Variants in AFAP1L2 observed in about 807,000 individuals in gnomAD.
AFAP1L2 encodes the protein actin filament-associated protein 1-like 2.
A neutral mutation model predicts 99.3 loss-of-function variants in AFAP1L2; 46 were observed. That is an observed-to-expected ratio of 0.46 (90% CI 0.37 to 0.59). The LOEUF (loss-of-function observed/expected upper bound fraction) is 0.59. Among genes scored for constraint, AFAP1L2 ranks in the 20% least tolerant of loss-of-function variants. The pLI, the probability that AFAP1L2 is intolerant of heterozygous loss-of-function variation, is 0.00. For synonymous variants in AFAP1L2, 397 were observed against 419.1 expected (o/e 0.95, Z 0.64); for missense variants, 959 against 1,034.9 (o/e 0.93, Z 1.01).
intron 10 of AFAP1L2, 68 bp downstream of exon 10, chr10:114,307,737 G>C: frequency 2.2e-6 from 3 of 1,372,292 alleles, no homozygotes; most frequent in Non-Finnish European, 3.1e-6. Flanking sequence ...CGCTGTCTGA[G>C]CTCGCCTTCC....
At chr10:114,397,045 C>T (rs1050123456) in intron 1 of AFAP1L2, among the ~76,000 whole-genome samples, 6 of 152,054 alleles carry the variant, frequency 3.9e-5, no homozygotes, top group African/African-American at 9.7e-5. Context: ...TGACCTTGAA[C>T]CTTCATCTTA....
intron 1 of AFAP1L2, among the ~76,000 whole-genome samples, chr10:114,343,477 C>G (rs2049083085): frequency 6.6e-6 from 1 of 152,168 alleles, no homozygotes; most frequent in Non-Finnish European, 1.5e-5. Context: ...TCACCTCACC[C>G]CTGCTCCTTT....
chr10:114,289,350 T>C, the AFAP1L2 span: 1 of 1,614,236 alleles, frequency 6.2e-7, no homozygotes, highest in Non-Finnish European at 8.5e-7. Context: ...ATGGCATCTC[T>C]GTCTTGGTCG....
At chr10:114,336,339 C>T (rs1253053788) in intron 2 of AFAP1L2, among the ~76,000 whole-genome samples, 1 of 152,288 alleles carries the variant, frequency 6.6e-6, no homozygotes, top group East Asian at 1.9e-4. Flanking sequence ...GGCTAGAGAA[C>T]TTTCTATCAT....
At chr10:114,371,752 A>T (rs1467328436) in intron 1 of AFAP1L2, among the ~76,000 whole-genome samples, 1 of 151,756 alleles carries the variant, frequency 6.6e-6, no homozygotes, top group Admixed American at 6.6e-5. Context: ...TGGCACGTGT[A>T]TACCTATGTA....
intron 1 of AFAP1L2, among the ~76,000 whole-genome samples, chr10:114,353,823 C>A (rs2050905049): frequency 6.6e-6 from 1 of 151,988 alleles, no homozygotes; most frequent in South Asian, 2.1e-4. Flanking sequence ...ACAGTGAAGA[C>A]AAACTTCCAC....
At chr10:114,333,784 C>T (rs560186593) in intron 2 of AFAP1L2, among the ~76,000 whole-genome samples, 1 of 152,196 alleles carries the variant, frequency 6.6e-6, no homozygotes, top group African/African-American at 2.4e-5. Flanking sequence ...GCACTCCAGC[C>T]TGGGCAACAG....
intron 1 of AFAP1L2, among the ~76,000 whole-genome samples, chr10:114,349,371 G>A (rs1176400205): frequency 1.0e-5 from 1 of 98,860 alleles, no homozygotes; most frequent in Non-Finnish European, 1.9e-5. Flanking sequence ...CAACAAGAGT[G>A]AAACTCGGTC....
chr10:114,288,083 C>T, the AFAP1L2 span, among the ~76,000 whole-genome samples: 2 of 152,134 alleles, frequency 1.3e-5, no homozygotes, highest in Admixed American at 6.5e-5. Flanking sequence ...GGAATAAAAC[C>T]CAAACTCCTT....
downstream of AFAP1L2, chr10:114,290,020 G>T: frequency 2.3e-5 from 10 of 429,720 alleles, no homozygotes; most frequent in Admixed American, 3.9e-5. Flanking sequence ...AGTCTGCCAT[G>T]TGTATGGCAC....
Position 114,308,442 on chromosome 10 carries a change from T to C in AFAP1L2, c.958A>G (p.Thr320Ala), listed in dbSNP as rs768064098. The change falls in exon 9 of 19, where the codon ACC becomes GCC. Residue 320 changes from threonine (T) to alanine (A), a missense_variant. Physicochemically the swap from Thr to Ala is moderately conservative, Grantham distance 58 (BLOSUM62 0). Coordinates refer to ENST00000304129, the MANE Select transcript of AFAP1L2 (RefSeq NM_001001936.3). ...SVDGHPEVPE[T>A]KDVKKKCSAG... is the part of the protein sequence containing the mutation. ...AACCACATGATGTTACCGTCTTTGG[T>C]TTCTGGGACCTCAGGGTGGCCATCC... 17 of 1,613,924 alleles carry C rather than the reference T, an allele frequency of 1.1e-5. No homozygotes were observed. The East Asian group carries it at 3.3e-4, about 32-fold the overall frequency.
downstream of AFAP1L2, among the ~76,000 whole-genome samples, chr10:114,294,163 C>T (rs1304739071): frequency 6.6e-6 from 1 of 152,108 alleles, no homozygotes; most frequent in African/African-American, 2.4e-5. Flanking sequence ...ATTCTATAAA[C>T]CCTGCTGAAT....
intron 1 of AFAP1L2, among the ~76,000 whole-genome samples, chr10:114,400,588 C>T (rs2058137225): frequency 6.6e-6 from 1 of 151,988 alleles, no homozygotes; most frequent in South Asian, 2.1e-4. Context: ...GGTTAAGGCA[C>T]ATCGTGTGAG....
At chr10:114,369,789 T>C (rs182224128) in intron 1 of AFAP1L2, among the ~76,000 whole-genome samples, 1 of 152,282 alleles carries the variant, frequency 6.6e-6, no homozygotes, top group East Asian at 1.9e-4. Flanking sequence ...ATAATATGTA[T>C]ACGTACTGCA....
intron 1 of AFAP1L2, among the ~76,000 whole-genome samples, chr10:114,344,265 G>A (rs2049191952): frequency 6.6e-6 from 1 of 152,198 alleles, no homozygotes; most frequent in South Asian, 2.1e-4. Flanking sequence ...CTCAAAAGCA[G>A]TGAGCTTAAA....
intron 1 of AFAP1L2, among the ~76,000 whole-genome samples, chr10:114,345,184 C>G (rs2049352588): frequency 7.0e-6 from 1 of 141,916 alleles, no homozygotes; most frequent in African/African-American, 2.7e-5. Context: ...GGAAACCACC[C>G]AGTGGCTCTG....
At chr10:114,370,598 C>T (rs1372776319) in intron 1 of AFAP1L2, among the ~76,000 whole-genome samples, 1 of 152,208 alleles carries the variant, frequency 6.6e-6, no homozygotes, top group Non-Finnish European at 1.5e-5. Context: ...TTACCTTAAG[C>T]CAGATGTTTT....
the AFAP1L2 span, among the ~76,000 whole-genome samples, chr10:114,288,695 G>C: frequency 6.6e-6 from 1 of 152,234 alleles, no homozygotes; most frequent in African/African-American, 2.4e-5. Flanking sequence ...ATAGAACTTA[G>C]ACACGTGGCC....
chr10:114,331,297 A>G (rs2047196144), intron 4 of AFAP1L2, among the ~76,000 whole-genome samples: 1 of 152,126 alleles, frequency 6.6e-6, no homozygotes, highest in South Asian at 2.1e-4. Context: ...CTTATTTTAT[A>G]TGTTAGAGAT....
Sources: allele counts gnomAD v4.1 joint callset (sites outside exome capture counted in the v4.1 genomes callset), GRCh38; gene constraint gnomAD v4.1.1; transcripts MANE v1.5; gene names NCBI Gene and HGNC (gene_info 2026-07-23, HGNC 2026-07-21).